TMEM182: variants seen among roughly 807,000 people sequenced by gnomAD.
The protein encoded by TMEM182 is transmembrane protein 182.
TMEM182 carries 20 observed loss-of-function variants against 26.8 expected under a neutral mutation model. The observed-to-expected ratio is 0.75, with a 90% CI of 0.53 to 1.09. The LOEUF (loss-of-function observed/expected upper bound fraction) is 1.09, where lower values mean the gene tolerates loss of function less well. Among genes scored for constraint, TMEM182 ranks in the 50% least tolerant of loss-of-function variants. The pLI is 0.00. For synonymous variants in TMEM182, 109 were observed against 102.2 expected (o/e 1.07, Z -0.40); for missense variants, 277 against 275.5 (o/e 1.01, Z -0.04).
intron 3 of TMEM182, among the ~76,000 whole-genome samples, chr2:102,826,172 G>A (rs192032223): frequency 1.3e-5 from 2 of 152,262 alleles, no homozygotes; most frequent in Admixed American, 1.3e-4. Context: ...ATCCAGGTAT[G>A]TGGTAGAGAG....
downstream of TMEM182, among the ~76,000 whole-genome samples, chr2:102,820,033 A>T (rs1413061461): frequency 2.6e-5 from 4 of 152,340 alleles, no homozygotes; most frequent in East Asian, 7.7e-4. Flanking sequence ...ATAGTTATAA[A>T]CCTTTTTGGG....
chr2:102,840,144 T>C (rs961757642), intron 3 of TMEM182, among the ~76,000 whole-genome samples: 15 of 152,102 alleles, frequency 9.9e-5, no homozygotes, highest in African/African-American at 3.4e-4. Flanking sequence ...AAGAAATCTT[T>C]CCATTGAAAA....
intron 3 of TMEM182, among the ~76,000 whole-genome samples, chr2:102,774,250 CTTTTT>C (rs774047240): frequency 8.4e-4 from 81 of 96,142 alleles, no homozygotes; most frequent in African/African-American, 3.4e-3. Flanking sequence ...TTCTTTCTTT[CTTTTT>C]TTTTTTTTTT....
intron 1 of TMEM182, among the ~76,000 whole-genome samples, chr2:102,755,769 A>G (rs1680013952): frequency 1.3e-5 from 2 of 152,160 alleles, no homozygotes; most frequent in Non-Finnish European, 2.9e-5. Flanking sequence ...AAGGGGGCAA[A>G]TTGTATATGG....
At chr2:102,836,848 G>A (rs964695671) in intron 3 of TMEM182, among the ~76,000 whole-genome samples, 2 of 152,214 alleles carry the variant, frequency 1.3e-5, no homozygotes, top group Admixed American at 1.3e-4. Flanking sequence ...TTAATAGAAA[G>A]CGTTCAGTCC....
chr2:102,811,921 C>T (rs1573563325), intron 4 of TMEM182, among the ~76,000 whole-genome samples: 1 of 152,298 alleles, frequency 6.6e-6, no homozygotes, highest in East Asian at 1.9e-4. Context: ...AAGATCTGGA[C>T]ACTTGGTATA....
chr2:102,785,702 AACT>A (rs1245336540), intron 3 of TMEM182, among the ~76,000 whole-genome samples: 1 of 152,226 alleles, frequency 6.6e-6, no homozygotes, highest in African/African-American at 2.4e-5. Context: ...AAATCGTAGA[AACT>A]ACTTTTAATT....
At chr2:102,779,249 A>C (rs1274976504) in intron 3 of TMEM182, among the ~76,000 whole-genome samples, 1 of 151,572 alleles carries the variant, frequency 6.6e-6, no homozygotes, top group Non-Finnish European at 1.5e-5. Flanking sequence ...TGCTTTCAGG[A>C]TTTTTCTTTG....
At chr2:102,833,934 C>G (rs916817224) in intron 3 of TMEM182, among the ~76,000 whole-genome samples, 1 of 152,168 alleles carries the variant, frequency 6.6e-6, no homozygotes, top group Non-Finnish European at 1.5e-5. Context: ...GGTGATGGCA[C>G]CATTGATTCT....
At chr2:102,761,963 A>T (rs576762308), upstream of TMEM182, 58 of 362,254 alleles carry the variant, frequency 1.6e-4, no homozygotes, top group Non-Finnish European at 2.4e-4. Context: ...CTCAATCACT[A>T]TCTTAAAATA....
intron 3 of TMEM182, among the ~76,000 whole-genome samples, chr2:102,832,479 G>A (rs1303089410): frequency 6.6e-6 from 1 of 152,138 alleles, no homozygotes; most frequent in Non-Finnish European, 1.5e-5. Context: ...AAGATACTGG[G>A]GCCAGGATGT....
intron 3 of TMEM182, among the ~76,000 whole-genome samples, chr2:102,830,770 A>G (rs1208512223): frequency 6.6e-6 from 1 of 152,146 alleles, no homozygotes; most frequent in Non-Finnish European, 1.5e-5. Flanking sequence ...CTATTGTGCT[A>G]TCATATAGTA....
chr2:102,800,058 C>G (rs1416039546), intron 4 of TMEM182, among the ~76,000 whole-genome samples: 1 of 152,156 alleles, frequency 6.6e-6, no homozygotes, highest in African/African-American at 2.4e-5. Flanking sequence ...CCCTGTTAAA[C>G]CATTCTTTCT....
intron 3 of TMEM182, among the ~76,000 whole-genome samples, chr2:102,839,229 C>A (rs956929664): frequency 1.3e-5 from 2 of 152,012 alleles, no homozygotes; most frequent in Admixed American, 1.3e-4. Flanking sequence ...CCACAGATCA[C>A]ATCAAAGCTG....
chr2:102,819,626 T>C (rs921052991), downstream of TMEM182, among the ~76,000 whole-genome samples: 2 of 152,208 alleles, frequency 1.3e-5, no homozygotes. Flanking sequence ...ATATGTCTGA[T>C]TACACATGCA....
At chr2:102,807,560 T>C (rs1233543107) in intron 4 of TMEM182, among the ~76,000 whole-genome samples, 1 of 152,230 alleles carries the variant, frequency 6.6e-6, no homozygotes, top group African/African-American at 2.4e-5. Context: ...AATATTTTGA[T>C]GAATGCAATA....
intron 4 of TMEM182, among the ~76,000 whole-genome samples, chr2:102,800,986 C>G (rs1189323034): frequency 2.0e-5 from 3 of 152,110 alleles, no homozygotes; most frequent in African/African-American, 7.2e-5. Context: ...ACACCTGTAA[C>G]TGGTGGATTT....
At chr2:102,776,504 T>C (rs905528016) in intron 3 of TMEM182, among the ~76,000 whole-genome samples, 2 of 152,216 alleles carry the variant, frequency 1.3e-5, no homozygotes, top group Non-Finnish European at 2.9e-5. Context: ...AGTTCATTTC[T>C]TTATTGTGAT....
intron 3 of TMEM182, among the ~76,000 whole-genome samples, chr2:102,765,305 G>A (rs1257294770): frequency 6.6e-6 from 1 of 152,140 alleles, no homozygotes; most frequent in African/African-American, 2.4e-5. Context: ...CCAGTCTGAA[G>A]GCTGGACACT....
Sources: gnomAD v4.1 joint callset for allele counts (sites outside exome capture counted in the v4.1 genomes callset) on GRCh38, gnomAD v4.1.1 for gene constraint, MANE v1.5 for transcripts, NCBI Gene and HGNC (gene_info 2026-07-23, HGNC 2026-07-21) for gene names.